MARCHF1: variants seen among roughly 807,000 people sequenced by gnomAD.
MARCHF1 encodes the protein E3 ubiquitin-protein ligase MARCHF1.
MARCHF1 carries 40 observed loss-of-function variants against 54.2 expected under a neutral mutation model. The observed-to-expected ratio is 0.74, with a 90% CI of 0.57 to 0.96. The LOEUF (loss-of-function observed/expected upper bound fraction) is 0.96, where lower values mean the gene tolerates loss of function less well. MARCHF1 is among the 40% of genes least tolerant of loss of function. The pLI is 0.00. For missense variants in MARCHF1, 586 were observed against 656.5 expected (o/e 0.89, Z 1.17); for synonymous variants, 236 against 236.3 (o/e 1.00, Z 0.01).
intron 1 of MARCHF1, among the ~76,000 whole-genome samples, chr4:164,255,416 A>C (rs1183746278): frequency 1.3e-5 from 2 of 151,290 alleles, no homozygotes; most frequent in Non-Finnish European, 2.9e-5. Flanking sequence ...TCAATGAACA[A>C]ACAAAAAAAA....
intron 1 of MARCHF1, among the ~76,000 whole-genome samples, chr4:164,261,061 C>T (rs533470640): frequency 2.0e-5 from 3 of 152,066 alleles, no homozygotes; most frequent in African/African-American, 4.8e-5. Flanking sequence ...GAAAGGCACA[C>T]GGGGAGGATG....
intron 8 of MARCHF1, among the ~76,000 whole-genome samples, chr4:163,558,528 T>C (rs1713285330): frequency 6.6e-6 from 1 of 152,036 alleles, no homozygotes; most frequent in African/African-American, 2.4e-5. Context: ...GGGACAAAAA[T>C]CTAGGAAGTA....
At chr4:163,569,043 TGAG>T (rs1300194660) in intron 8 of MARCHF1, among the ~76,000 whole-genome samples, 5 of 152,180 alleles carry the variant, frequency 3.3e-5, no homozygotes, top group Non-Finnish European at 5.9e-5. Flanking sequence ...CAGCCACTGC[TGAG>T]TTTTTCACTT....
At chr4:163,545,840 C>G (rs770669436) in intron 8 of MARCHF1, 97 bp from the exon 9 acceptor site, 12 of 997,162 alleles carry the variant, frequency 1.2e-5, no homozygotes, top group Non-Finnish European at 1.8e-5. Flanking sequence ...GGAAGAAAAA[C>G]AGTAAATATC....
chr4:164,048,656 C>CA, intron 2 of MARCHF1, among the ~76,000 whole-genome samples: 2 of 152,126 alleles, frequency 1.3e-5, no homozygotes, highest in South Asian at 4.1e-4. Flanking sequence ...GATACAAAAA[C>CA]AAAAACAAAA....
At chr4:164,152,668 G>T (rs1450353921) in intron 1 of MARCHF1, among the ~76,000 whole-genome samples, 1 of 151,922 alleles carries the variant, frequency 6.6e-6, no homozygotes, top group Non-Finnish European at 1.5e-5. Context: ...TCAACTAAGA[G>T]CCAGGCACCC....
chr4:164,175,286 G>A (rs1057336417), intron 1 of MARCHF1, among the ~76,000 whole-genome samples: 1 of 152,076 alleles, frequency 6.6e-6, no homozygotes, highest in Non-Finnish European at 1.5e-5. Context: ...CATCTAAAAA[G>A]CTAAGAAAAT....
intron 2 of MARCHF1, among the ~76,000 whole-genome samples, chr4:164,015,781 G>A (rs1753526084): frequency 6.6e-6 from 1 of 151,928 alleles, no homozygotes; most frequent in Non-Finnish European, 1.5e-5. Flanking sequence ...CAGTTAAAAT[G>A]GCTTATATCC....
chr4:164,354,851 T>G (rs1203854333), intron 1 of MARCHF1, among the ~76,000 whole-genome samples: 1 of 109,044 alleles, frequency 9.2e-6, no homozygotes, highest in Admixed American at 9.9e-5. Flanking sequence ...ACATGATTGT[T>G]TATCTAGAAA....
At chr4:164,057,886 C>G (rs1012966244) in intron 2 of MARCHF1, among the ~76,000 whole-genome samples, 2 of 152,046 alleles carry the variant, frequency 1.3e-5, no homozygotes, top group Non-Finnish European at 2.9e-5. Flanking sequence ...TCTAATCAAT[C>G]TCTAGACTGG....
At chr4:163,942,335 C>T (rs1448870761) in intron 3 of MARCHF1, among the ~76,000 whole-genome samples, 1 of 152,136 alleles carries the variant, frequency 6.6e-6, no homozygotes, top group Non-Finnish European at 1.5e-5. Context: ...TAGAAGCATA[C>T]CCTTCTGGGT....
chr4:163,652,646 G>A (rs548895955), intron 5 of MARCHF1, among the ~76,000 whole-genome samples: 40 of 151,826 alleles, frequency 2.6e-4, no homozygotes, highest in African/African-American at 6.0e-4. Flanking sequence ...TCTGAATTTC[G>A]TACATGAGGT....
chr4:164,183,162 G>A (rs962682380), intron 1 of MARCHF1, among the ~76,000 whole-genome samples: 31 of 151,986 alleles, frequency 2.0e-4, no homozygotes, highest in African/African-American at 6.5e-4. Flanking sequence ...GATTCAAAAA[G>A]TAAAATGTTA....
rs181691116 is a variant in MARCHF1 at position 163,981,375 on chromosome 4, C to A, written c.-39+7126G>T. Among the ~76,000 whole-genome samples, 44 of 152,268 alleles carry A rather than the reference C, an allele frequency of 2.9e-4. 1 individual carries two copies. The highest frequency in any genetic ancestry group is 1.0e-3 in the African/African-American group (42 of 41,542). On this transcript the variant is annotated intron_variant, in intron 3 of 9. Transcript: ENST00000514618. ...CAGGCTGAAAGCCAAAAGTCAGACACCCAGCACCTAGAAGCACTTTGTCCT... is the reference window on the plus strand; with the variant it reads ...CAGGCTGAAAGCCAAAAGTCAGACAACCAGCACCTAGAAGCACTTTGTCCT...
At chr4:163,719,545 C>T (rs1358618687) in intron 4 of MARCHF1, among the ~76,000 whole-genome samples, 1 of 152,082 alleles carries the variant, frequency 6.6e-6, no homozygotes, top group Non-Finnish European at 1.5e-5. Flanking sequence ...GGTATATACG[C>T]AGTAATGGGA....
chr4:164,376,665 C>T (rs1268908568), intron 1 of MARCHF1, among the ~76,000 whole-genome samples: 4 of 152,086 alleles, frequency 2.6e-5, no homozygotes, highest in Non-Finnish European at 5.9e-5. Flanking sequence ...CCACTGACTG[C>T]GAGGCTCCAT....
At chr4:163,942,686 A>C (rs1424169484) in intron 3 of MARCHF1, among the ~76,000 whole-genome samples, 1 of 152,194 alleles carries the variant, frequency 6.6e-6, no homozygotes, top group African/African-American at 2.4e-5. Context: ...GGCCCTGCAC[A>C]CAAAATGTTT....
chr4:164,160,054 TTTA>T (rs1312396003), intron 1 of MARCHF1, among the ~76,000 whole-genome samples: 1 of 152,204 alleles, frequency 6.6e-6, no homozygotes, highest in Non-Finnish European at 1.5e-5. Context: ...CTCTATTTTT[TTTA>T]TTATTGTTAG....
At chr4:163,581,260 T>C (rs1048324692) in intron 8 of MARCHF1, among the ~76,000 whole-genome samples, 7 of 152,186 alleles carry the variant, frequency 4.6e-5, no homozygotes, top group Non-Finnish European at 8.8e-5. Flanking sequence ...TGCAAAAGGG[T>C]CTTGATATGC....
Sources: gnomAD v4.1 joint callset for allele counts (sites outside exome capture counted in the v4.1 genomes callset) on GRCh38, gnomAD v4.1.1 for gene constraint, MANE v1.5 for transcripts, NCBI Gene and HGNC (gene_info 2026-07-23, HGNC 2026-07-21) for gene names.